TAFA1: variants seen among roughly 807,000 people sequenced by gnomAD.
TAFA1 encodes TAFA chemokine like family member 1.
A neutral mutation model predicts 18.5 loss-of-function variants in TAFA1; 4 were observed. The ratio of observed to expected loss-of-function variants is 0.22; its 90% CI spans 0.11 to 0.49. The LOEUF is 0.49. Ranked by LOEUF, TAFA1 falls within the 20% of genes least tolerant of loss-of-function variation. The probability of loss-of-function intolerance (pLI) is 0.98; values close to 1 mark genes in which losing one functional copy is unlikely to be tolerated. For synonymous variants in TAFA1, 56 were observed against 55.2 expected (o/e 1.01, Z -0.06); for missense variants, 147 against 169.0 (o/e 0.87, Z 0.72).
chr3:68,404,396 A>T (rs1274286785), intron 2 of TAFA1, among the ~76,000 whole-genome samples: 1 of 152,242 alleles, frequency 6.6e-6, no homozygotes, highest in Non-Finnish European at 1.5e-5. Flanking sequence ...TGTATAACAG[A>T]TTTCTAAAAC....
chr3:68,322,831 T>C (rs545657087), intron 2 of TAFA1, among the ~76,000 whole-genome samples: 1 of 152,128 alleles, frequency 6.6e-6, no homozygotes, highest in Non-Finnish European at 1.5e-5. Context: ...TAATCCCAGC[T>C]ACTCAGGAGG....
intron 2 of TAFA1, among the ~76,000 whole-genome samples, chr3:68,321,048 T>C (rs2068690913): frequency 6.6e-6 from 1 of 152,222 alleles, no homozygotes; most frequent in African/African-American, 2.4e-5. Context: ...AAGGCTGGAC[T>C]GTCAGGGTTG....
At position 68,501,011 on chromosome 3, in the gene TAFA1, C is replaced by G. The variant is rs556894879; in HGVS notation, c.260-37745C>G. On this transcript the variant is annotated intron_variant, in intron 3 of 4. Transcript: ENST00000478136. ...TACTAAAAATACAAAAAAAATTAGC[C>G]AGGCATGGTGGCAAGCGCCTATAGT... 3.3e-5 allele frequency among the ~76,000 whole-genome samples: 5 copies of G among 151,888 alleles called. No homozygotes were observed. The East Asian group carries it at 9.7e-4, about 30-fold the overall frequency.
At chr3:68,396,843 A>G (rs2070391773) in intron 2 of TAFA1, among the ~76,000 whole-genome samples, 1 of 152,244 alleles carries the variant, frequency 6.6e-6, no homozygotes, top group African/African-American at 2.4e-5. Context: ...AAATCTTTTA[A>G]GAACTACTCA....
Position 68,286,906 on chromosome 3 carries a change from A to G in TAFA1, c.119-130374A>G, listed in dbSNP as rs530187958. Among the ~76,000 whole-genome samples the G allele has an allele frequency of 2.0e-5, 3 of 152,346 alleles. No individual in the cohort carries two copies. The South Asian group carries it at 6.2e-4, about 32-fold the overall frequency. On this transcript the variant is annotated intron_variant, in intron 2 of 4. Transcript: ENST00000478136. ...CTCAACAGGACAGCCAGGCCCCCTG[A>G]CATCAAGCTGTTAACAGGGCCATCC...
chr3:67,997,027 A>G, the TAFA1 span, among the ~76,000 whole-genome samples: 1 of 152,140 alleles, frequency 6.6e-6, no homozygotes, highest in Non-Finnish European at 1.5e-5. Context: ...AACTCCATAG[A>G]GAATGACATC....
chr3:68,470,882 AG>A, intron 3 of TAFA1, among the ~76,000 whole-genome samples: 1 of 152,196 alleles, frequency 6.6e-6, no homozygotes, highest in Non-Finnish European at 1.5e-5. Context: ...ACCAAGACAA[AG>A]GGGAAAATGT....
intron 2 of TAFA1, among the ~76,000 whole-genome samples, chr3:68,091,910 G>A (rs770969005): frequency 2.0e-5 from 3 of 152,130 alleles, no homozygotes; most frequent in Non-Finnish European, 4.4e-5. Flanking sequence ...TTGAATGACT[G>A]CTGGTTTCCT....
chr3:68,069,878 C>T (rs1180154114), intron 2 of TAFA1, among the ~76,000 whole-genome samples: 1 of 152,240 alleles, frequency 6.6e-6, no homozygotes, highest in Non-Finnish European at 1.5e-5. Flanking sequence ...ATCGAGGTCA[C>T]ACTGATGCAA....
chr3:68,055,101 A>C (rs1051298172), intron 2 of TAFA1, among the ~76,000 whole-genome samples: 1 of 152,066 alleles, frequency 6.6e-6, no homozygotes, highest in Non-Finnish European at 1.5e-5. Flanking sequence ...GGAAGTATGA[A>C]AGGAAAGGGA....
intron 2 of TAFA1, among the ~76,000 whole-genome samples, chr3:68,229,893 T>C (rs2066849769): frequency 6.6e-6 from 1 of 152,158 alleles, no homozygotes; most frequent in African/African-American, 2.4e-5. Flanking sequence ...GACAAGTAAA[T>C]GTGATGATGT....
At chr3:68,466,309 A>G (rs1340206764) in intron 3 of TAFA1, among the ~76,000 whole-genome samples, 1 of 152,166 alleles carries the variant, frequency 6.6e-6, no homozygotes, top group Non-Finnish European at 1.5e-5. Context: ...AATGGAGCAG[A>G]ACTCCCAGCT....
intron 3 of TAFA1, among the ~76,000 whole-genome samples, chr3:68,456,705 T>C (rs4855482): frequency 0.23 from 34,917 of 152,166 alleles, 4,401 homozygotes; most frequent in East Asian, 0.43. Context: ...CATTTCAATA[T>C]GATATGAAAA....
At chr3:68,164,384 C>A (rs2065959366) in intron 2 of TAFA1, among the ~76,000 whole-genome samples, 2 of 152,164 alleles carry the variant, frequency 1.3e-5, no homozygotes, top group African/African-American at 4.8e-5. Context: ...TATGCTATCA[C>A]CTGAAATACT....
chr3:68,399,850 T>G (rs1245199327), intron 2 of TAFA1, among the ~76,000 whole-genome samples: 1 of 152,040 alleles, frequency 6.6e-6, no homozygotes, highest in Non-Finnish European at 1.5e-5. Flanking sequence ...ATTACAGAGG[T>G]AGAGCTGTCA....
At chr3:68,438,890 T>C (rs2071313680) in intron 3 of TAFA1, among the ~76,000 whole-genome samples, 1 of 152,098 alleles carries the variant, frequency 6.6e-6, no homozygotes, top group Non-Finnish European at 1.5e-5. Flanking sequence ...GTACCAGGGT[T>C]CTGGGAGCAA....
intron 2 of TAFA1, among the ~76,000 whole-genome samples, chr3:68,112,337 T>A (rs2065272382): frequency 6.6e-6 from 1 of 152,228 alleles, no homozygotes; most frequent in South Asian, 2.1e-4. Flanking sequence ...TTCAAAGTTG[T>A]TTAATGTTTC....
chr3:68,164,630 CGTGTGT>C (rs1306831109), intron 2 of TAFA1, among the ~76,000 whole-genome samples: 134 of 146,718 alleles, frequency 9.1e-4, no homozygotes, highest in African/African-American at 2.8e-3. Flanking sequence ...CCTTTTGCAA[CGTGTGT>C]GTGTGTGTGT....
chr3:68,363,518 AATTC>A (rs2069511968), intron 2 of TAFA1, among the ~76,000 whole-genome samples: 3 of 152,216 alleles, frequency 2.0e-5, no homozygotes, highest in Non-Finnish European at 4.4e-5. Flanking sequence ...GGAAAATGGG[AATTC>A]AAAGTCCGAA....
Sources: gnomAD v4.1 joint callset for allele counts (sites outside exome capture counted in the v4.1 genomes callset) on GRCh38, gnomAD v4.1.1 for gene constraint, MANE v1.5 for transcripts, NCBI Gene and HGNC (gene_info 2026-07-23, HGNC 2026-07-21) for gene names.